The following SORCS3 variants were observed in gnomAD, a reference collection of about 807,000 sequenced individuals.
SORCS3 encodes VPS10 domain-containing receptor SorCS3.
SORCS3 carries 57 observed loss-of-function variants against 146.3 expected under a neutral mutation model. The ratio of observed to expected loss-of-function variants is 0.39; its 90% CI spans 0.31 to 0.49. The LOEUF (loss-of-function observed/expected upper bound fraction) is 0.49, where lower values mean the gene tolerates loss of function less well. Among genes scored for constraint, SORCS3 ranks in the 20% least tolerant of loss-of-function variants. The pLI is 0.92. For synonymous variants in SORCS3, 653 were observed against 618.5 expected, an observed-to-expected ratio of 1.06 and a Z score of -0.83; for missense variants, 1,341 against 1,575.5, an observed-to-expected ratio of 0.85 and a Z score of 2.52.
intron 18 of SORCS3, among the ~76,000 whole-genome samples, chr10:105,215,529 G>A (rs2056659885): frequency 6.6e-6 from 1 of 152,158 alleles, no homozygotes; most frequent in Admixed American, 6.5e-5. Context: ...ACTCACAGCA[G>A]GTGCTGGAAT....
intron 3 of SORCS3, among the ~76,000 whole-genome samples, chr10:104,930,065 A>G (rs1227235019): frequency 2.0e-5 from 3 of 152,210 alleles, no homozygotes; most frequent in African/African-American, 7.2e-5. Flanking sequence ...TGGCAGAGAA[A>G]TAATTCAATG....
chr10:105,140,372 C>G (rs564099189), intron 8 of SORCS3, among the ~76,000 whole-genome samples: 5 of 152,128 alleles, frequency 3.3e-5, no homozygotes, highest in Non-Finnish European at 7.4e-5. Context: ...TTCAACTATT[C>G]TTTCTCCATT....
intron 1 of SORCS3, among the ~76,000 whole-genome samples, chr10:104,720,226 G>A (rs2016530226): frequency 1.3e-5 from 2 of 151,970 alleles, no homozygotes; most frequent in Admixed American, 1.3e-4. Flanking sequence ...AAAATGCGGT[G>A]TTTGGTTTTT....
chr10:105,029,986 A>T (rs892673595), intron 4 of SORCS3, among the ~76,000 whole-genome samples: 2 of 152,200 alleles, frequency 1.3e-5, no homozygotes, highest in Admixed American at 6.5e-5. Context: ...TTAACAAGGT[A>T]TCTGGATAAC....
intron 1 of SORCS3, among the ~76,000 whole-genome samples, chr10:104,837,022 C>T (rs1183670875): frequency 6.6e-6 from 1 of 152,134 alleles, no homozygotes; most frequent in East Asian, 1.9e-4. Flanking sequence ...TTAATTGCTT[C>T]CTCTTCTCAA....
At position 105,063,721 on chromosome 10, in the gene SORCS3, A is replaced by C. The variant is rs536561853; in HGVS notation, c.1028+20593A>C. Among the ~76,000 whole-genome samples the C allele has an allele frequency of 8.5e-5, 13 of 152,330 alleles. No homozygotes were observed. The South Asian group carries it at 2.7e-3, about 32-fold the overall frequency. ...GCATTTGCACCTTCACACTTGGAGC[A>C]CTGTGGGGATGCTGAATAGACACCA... is the stretch of plus-strand genomic sequence containing the variant. On this transcript the variant is annotated intron_variant, in intron 5 of 26. Transcript: ENST00000369701.
intron 1 of SORCS3, among the ~76,000 whole-genome samples, chr10:104,811,635 G>A (rs1263994061): frequency 6.6e-6 from 1 of 152,188 alleles, no homozygotes; most frequent in African/African-American, 2.4e-5. Flanking sequence ...TGCAGGATGG[G>A]GAGGAAGTAG....
chr10:104,943,203 C>T (rs1468765418), intron 3 of SORCS3, among the ~76,000 whole-genome samples: 1 of 152,048 alleles, frequency 6.6e-6, no homozygotes, highest in Non-Finnish European at 1.5e-5. Context: ...ATTCTTGGCT[C>T]ACTGCAACAT....
intron 1 of SORCS3, among the ~76,000 whole-genome samples, chr10:104,688,567 C>T (rs1438010736): frequency 1.3e-5 from 2 of 152,234 alleles, no homozygotes; most frequent in Admixed American, 1.3e-4. Flanking sequence ...GAGCTCTGAG[C>T]GTTCTCACCC....
At chr10:105,249,611 G>A (rs1164657830) in intron 22 of SORCS3, among the ~76,000 whole-genome samples, 1 of 152,174 alleles carries the variant, frequency 6.6e-6, no homozygotes, top group Non-Finnish European at 1.5e-5. Context: ...GCTGGGAGCG[G>A]TGGCTCATGC....
chr10:105,184,356 C>G (rs992215406), intron 14 of SORCS3, among the ~76,000 whole-genome samples: 2 of 152,220 alleles, frequency 1.3e-5, no homozygotes, highest in African/African-American at 2.4e-5. Context: ...TAATTCTTCA[C>G]TTGCTTTTCC....
intron 2 of SORCS3, among the ~76,000 whole-genome samples, chr10:104,858,948 A>AAC (rs1167488284): frequency 3.3e-5 from 5 of 149,304 alleles, no homozygotes; most frequent in African/African-American, 5.0e-5. Flanking sequence ...TAAAAAAAAA[A>AAC]AAAAACAACA....
At chr10:104,720,958 T>A (rs905463114) in intron 1 of SORCS3, among the ~76,000 whole-genome samples, 1 of 152,258 alleles carries the variant, frequency 6.6e-6, no homozygotes, top group African/African-American at 2.4e-5. Context: ...TTTCTTTTGC[T>A]ATACAGAAGC....
chr10:105,175,324 T>A lies in SORCS3; in HGVS notation c.1902-2742T>A, dbSNP rs150913827. 3.1e-4 allele frequency among the ~76,000 whole-genome samples: 47 copies of A among 151,758 alleles called. No homozygotes were observed. In the East Asian group the frequency reaches 9.1e-3, roughly 29 times the overall value. Reference sequence around the variant, plus strand: ...ATCTACCTGCCTCAGCCTCCTAAAGTGCTGGGATTACAGGCCACTGCACCT... The same window carrying A: ...ATCTACCTGCCTCAGCCTCCTAAAGAGCTGGGATTACAGGCCACTGCACCT... On this transcript the variant is annotated intron_variant, in intron 13 of 26. Transcript: ENST00000369701.
intron 6 of SORCS3, 51 bp downstream of exon 6, chr10:105,089,890 T>TCC: frequency 3.5e-6 from 5 of 1,442,886 alleles, no homozygotes; most frequent in Non-Finnish European, 3.9e-6. Flanking sequence ...CCTGCAGGTC[T>TCC]CTGTCCTCCC....
intron 1 of SORCS3, among the ~76,000 whole-genome samples, chr10:104,704,613 G>T (rs1230954691): frequency 1.3e-5 from 2 of 152,208 alleles, no homozygotes; most frequent in African/African-American, 4.8e-5. Context: ...GCCTTCTGAA[G>T]ATAGACTTTC....
chr10:104,921,503 C>CTCTGTG (rs1481936605), intron 3 of SORCS3, among the ~76,000 whole-genome samples: 15 of 143,590 alleles, frequency 1.0e-4, no homozygotes, highest in African/African-American at 4.0e-4. Context: ...CTCTCTCTCT[C>CTCTGTG]TGTGTGTGTG....
chr10:104,663,560 G>A (rs776697431), intron 1 of SORCS3, among the ~76,000 whole-genome samples: 1 of 152,070 alleles, frequency 6.6e-6, no homozygotes, highest in Non-Finnish European at 1.5e-5. Context: ...TGGCTCCCTC[G>A]CTCCCCAGCT....
At chr10:105,257,163 A>G (rs2056936621) in intron 25 of SORCS3, among the ~76,000 whole-genome samples, 1 of 152,204 alleles carries the variant, frequency 6.6e-6, no homozygotes, top group Admixed American at 6.5e-5. Context: ...AAGACTGGCC[A>G]ATGAAATCAA....
Sources: gnomAD v4.1 joint callset for allele counts (sites outside exome capture counted in the v4.1 genomes callset) on GRCh38, gnomAD v4.1.1 for gene constraint, MANE v1.5 for transcripts, NCBI Gene and HGNC (gene_info 2026-07-23, HGNC 2026-07-21) for gene names.